MCM5: variants seen among roughly 807,000 people sequenced by gnomAD.
The protein encoded by MCM5 is minichromosome maintenance complex component 5, also known as DNA replication licensing factor MCM5.
In MCM5, 46 loss-of-function variants were observed where a neutral mutation model predicts 79.9. The ratio of observed to expected loss-of-function variants is 0.58; its 90% CI spans 0.45 to 0.74. The LOEUF is 0.74. MCM5 is among the 30% of genes least tolerant of loss of function. The probability of loss-of-function intolerance (pLI) is 0.00; values close to 1 mark genes in which losing one functional copy is unlikely to be tolerated. For missense variants in MCM5, 883 were observed against 1,017.0 expected (o/e 0.87, Z 1.79); for synonymous variants, 404 against 390.5 (o/e 1.03, Z -0.41).
At chr22:35,409,429 C>T (rs890251122) in intron 6 of MCM5, 1 of 152,138 alleles carries the variant, frequency 6.6e-6, no homozygotes, top group African/African-American at 2.4e-5. Context: ...AATTTATTAG[C>T]TGGGTGTTGG....
Position 35,413,862 on chromosome 22 carries a change from C to G in MCM5, c.1092-13C>G. 6.6e-7 allele frequency: 1 copy of G among 1,521,824 alleles called. No homozygotes were observed. The allele number at this position is 1,521,824 out of a possible 1,614,324, so 94.3% of individuals were successfully genotyped here. A position where few individuals can be genotyped will look rare whatever the true frequency, so the allele number is the denominator to read the frequency against. On this transcript the variant is annotated splice_polypyrimidine_tract_variant and intron_variant, in intron 8 of 16. Transcript: ENST00000216122. ...TGGATTCTCACCTTGTCCATCTACC[C>G]TTCGTCCCCCAGGCTCCCTGATGGA...
the MCM5 span, among the ~76,000 whole-genome samples, chr22:35,436,164 C>CAAAAAAAA: frequency 8.2e-5 from 5 of 61,006 alleles, no homozygotes; most frequent in East Asian, 4.6e-4. Flanking sequence ...AACTCAGTCT[C>CAAAAAAAA]AAAAAAAAAA....
chr22:35,448,141 G>T, the MCM5 span, among the ~76,000 whole-genome samples: 1 of 152,190 alleles, frequency 6.6e-6, no homozygotes, highest in Non-Finnish European at 1.5e-5. Flanking sequence ...GGAGGAGTCA[G>T]CATGAGGACC....
chr22:35,403,578 A>C, intron 4 of MCM5, 36 bp downstream of exon 4: 1 of 1,606,742 alleles, frequency 6.2e-7, no homozygotes, highest in Non-Finnish European at 8.5e-7. Flanking sequence ...CATGGTGCAG[A>C]GGGCTTTGGA....
chr22:35,417,477 G>A (rs998831266), intron 12 of MCM5, among the ~76,000 whole-genome samples: 1 of 151,030 alleles, frequency 6.6e-6, no homozygotes, highest in African/African-American at 2.5e-5. Flanking sequence ...GCCCCAAGTC[G>A]GGGTGGACAA....
the MCM5 span, among the ~76,000 whole-genome samples, chr22:35,446,481 G>A: frequency 0.18 from 26,945 of 152,074 alleles, 3,806 homozygotes; most frequent in African/African-American, 0.39. Flanking sequence ...CCAGCACACA[G>A]AGCTGCTGCG....
intron 13 of MCM5, 75 bp from the exon 14 acceptor site, chr22:35,419,807 CAG>C: frequency 6.8e-7 from 1 of 1,461,910 alleles, no homozygotes; most frequent in South Asian, 1.4e-5. Context: ...TGTAAGCTGG[CAG>C]GGGGCTGGGG....
At chr22:35,428,647 AGG>A (rs1395870586), downstream of MCM5, among the ~76,000 whole-genome samples, 1 of 152,120 alleles carries the variant, frequency 6.6e-6, no homozygotes, top group Non-Finnish European at 1.5e-5. Flanking sequence ...CTGTGTTGTA[AGG>A]TAGTAAGCTC....
downstream of MCM5, among the ~76,000 whole-genome samples, chr22:35,429,660 C>T (rs1459184248): frequency 2.6e-5 from 4 of 152,046 alleles, no homozygotes; most frequent in South Asian, 2.1e-4. Flanking sequence ...CCCAGGCTCC[C>T]GAGTAGCTGG....
chr22:35,444,523 G>T, the MCM5 span, among the ~76,000 whole-genome samples: 21 of 152,278 alleles, frequency 1.4e-4, no homozygotes, highest in African/African-American at 3.8e-4. Flanking sequence ...CCAGAGCTTG[G>T]CGAGGAGCCC....
Position 35,403,552 on chromosome 22 carries a change from A to T in MCM5, c.423+10A>T. 6.2e-7 allele frequency: 1 copy of T among 1,611,770 alleles called. No individual in the cohort carries two copies. Among genetic ancestry groups the T allele is most frequent in the Non-Finnish European group, 8.5e-7 (1 of 1,180,006 alleles). The stretch of plus-strand genomic sequence containing the variant: ...CATTCGTAGCCTGAAGGTGGGTCGG[A>T]GGGCAGTGGCTGCTGCATGGTGCAG... On this transcript the variant is annotated intron_variant, in intron 4 of 16. Coordinates refer to ENST00000216122, the MANE Select transcript of MCM5 (RefSeq NM_006739.4).
At chr22:35,435,825 G>A in the MCM5 span, among the ~76,000 whole-genome samples, 1 of 152,182 alleles carries the variant, frequency 6.6e-6, no homozygotes, top group Non-Finnish European at 1.5e-5. Context: ...TGCTTGAGAG[G>A]GAAAAGGAGA....
At chr22:35,410,633 G>A (rs746819436) in intron 6 of MCM5, 111 bp from the exon 7 acceptor site, 1 of 1,073,182 alleles carries the variant, frequency 9.3e-7, no homozygotes, top group Non-Finnish European at 1.4e-6. Context: ...TGGTGCCTGT[G>A]GCAAAAATGC....
At chr22:35,414,934 T>G (rs1601758950) in intron 9 of MCM5, among the ~76,000 whole-genome samples, 1 of 152,134 alleles carries the variant, frequency 6.6e-6, no homozygotes, top group Non-Finnish European at 1.5e-5. Flanking sequence ...GTGGCGGGGT[T>G]GTATAGGGCG....
At chr22:35,406,182 T>G (rs1932205657) in intron 4 of MCM5, among the ~76,000 whole-genome samples, 1 of 152,054 alleles carries the variant, frequency 6.6e-6, no homozygotes, top group African/African-American at 2.4e-5. Flanking sequence ...CCAGGTTTGT[T>G]CTGTGTTGTA....
At chr22:35,410,412 G>A (rs1932343562) in intron 6 of MCM5, 2 of 339,240 alleles carry the variant, frequency 5.9e-6, no homozygotes, top group South Asian at 2.4e-5. Context: ...TGGAGATGGG[G>A]CTTTTGGAGG....
At chr22:35,405,990 G>A (rs531242034) in intron 4 of MCM5, among the ~76,000 whole-genome samples, 1 of 150,380 alleles carries the variant, frequency 6.6e-6, no homozygotes, top group Admixed American at 6.6e-5. Flanking sequence ...CAGCCTTGGC[G>A]ACACAGCAAG....
chr22:35,441,914 G>A, the MCM5 span, among the ~76,000 whole-genome samples: 2 of 152,104 alleles, frequency 1.3e-5, no homozygotes, highest in Non-Finnish European at 2.9e-5. Flanking sequence ...CACAAGCCGG[G>A]CCTCTTGATC....
chr22:35,405,894 C>T (rs557743681), intron 4 of MCM5, among the ~76,000 whole-genome samples: 57 of 151,772 alleles, frequency 3.8e-4, no homozygotes, highest in African/African-American at 1.3e-3. Flanking sequence ...ACCTGTAATC[C>T]CAGCTACTTG....
Sources: gnomAD v4.1 joint callset for allele counts (sites outside exome capture counted in the v4.1 genomes callset) on GRCh38, gnomAD v4.1.1 for gene constraint, MANE v1.5 for transcripts, NCBI Gene and HGNC (gene_info 2026-07-23, HGNC 2026-07-21) for gene names.